The following THSD7A variants were observed in gnomAD, a reference collection of about 807,000 sequenced individuals.
THSD7A encodes thrombospondin type-1 domain-containing protein 7A.
In THSD7A, 96 loss-of-function variants were observed where a neutral mutation model predicts 231.3. The ratio of observed to expected loss-of-function variants is 0.41; its 90% CI spans 0.35 to 0.49. THSD7A has a LOEUF of 0.49. Among genes scored for constraint, THSD7A ranks in the 20% least tolerant of loss-of-function variants. THSD7A has a pLI of 0.05. For missense variants in THSD7A, 2,290 were observed against 2,070.2 expected (o/e 1.11, Z -2.06); for synonymous variants, 940 against 743.3 (o/e 1.26, Z -4.30).
intron 6 of THSD7A, among the ~76,000 whole-genome samples, chr7:11,530,854 T>C (rs1788678346): frequency 6.6e-6 from 1 of 151,984 alleles, no homozygotes; most frequent in South Asian, 2.1e-4. Context: ...CTACTAAAAA[T>C]ACAAAAATTA....
intron 27 of THSD7A, 132 bp from the exon 28 acceptor site, chr7:11,376,010 A>G (rs1782257896): frequency 1.4e-6 from 1 of 723,784 alleles, no homozygotes; most frequent in Non-Finnish European, 2.4e-6. Flanking sequence ...CCTAAAGTCT[A>G]TCTACCTTAG....
At position 11,411,702 on chromosome 7, in the gene THSD7A, C is replaced by G. The variant is rs759982527; in HGVS notation, c.3683-380G>C. ...GCCAAATAATCATAATTGTGACAGA[C>G]GGTACTTTAACTGTGTAGTTATATT... On this transcript the variant is annotated intron_variant, in intron 18 of 27. Coordinates refer to ENST00000423059, the MANE Select transcript of THSD7A (RefSeq NM_015204.3). The surrounding 1 kb of genome is among the most constrained non-coding windows in gnomAD (Gnocchi z 4.1). 3.9e-5 allele frequency among the ~76,000 whole-genome samples: 6 copies of G among 152,142 alleles called. No individual in the cohort carries two copies. The highest frequency in any genetic ancestry group is 8.8e-5 in the Non-Finnish European group (6 of 68,040).
At chr7:11,588,149 G>A (rs1779994591) in intron 4 of THSD7A, among the ~76,000 whole-genome samples, 1 of 152,052 alleles carries the variant, frequency 6.6e-6, no homozygotes, top group Non-Finnish European at 1.5e-5. Flanking sequence ...TCTTTCATAT[G>A]AACATGACTG....
chr7:11,655,381 T>C (rs1339915170), intron 1 of THSD7A, among the ~76,000 whole-genome samples: 1 of 151,838 alleles, frequency 6.6e-6, no homozygotes, highest in Non-Finnish European at 1.5e-5. Flanking sequence ...GCTGACTCTG[T>C]TGTTGGACAG....
At chr7:11,806,674 G>C (rs1784406391) in intron 1 of THSD7A, among the ~76,000 whole-genome samples, 1 of 152,108 alleles carries the variant, frequency 6.6e-6, no homozygotes, top group African/African-American at 2.4e-5. Flanking sequence ...TGATCCACTT[G>C]TTACTGGTAA....
intron 1 of THSD7A, among the ~76,000 whole-genome samples, chr7:11,648,598 C>CAATATG (rs980455110): frequency 2.0e-5 from 3 of 150,184 alleles, no homozygotes; most frequent in Non-Finnish European, 4.4e-5. Context: ...CATGCAATAT[C>CAATATG]TACTAGGACC....
Position 11,540,622 on chromosome 7 carries a change from G to C in THSD7A, c.1822+797C>G, listed in dbSNP as rs142027724. On this transcript the variant is annotated intron_variant, in intron 6 of 27. Transcript: ENST00000423059. The stretch of plus-strand genomic sequence containing the variant: ...ACCTTAGAGATGATCTTGTCCAGAG[G>C]TTTTAAAGTATGTCTGGGGGAGTCT... 7.7e-3 allele frequency among the ~76,000 whole-genome samples: 1,179 copies of C among 152,292 alleles called. 14 individuals are homozygous for C. The highest frequency in any genetic ancestry group is 0.027 in the African/African-American group (1,128 of 41,544).
At chr7:11,491,675 A>G (rs1786899954) in intron 6 of THSD7A, among the ~76,000 whole-genome samples, 1 of 152,146 alleles carries the variant, frequency 6.6e-6, no homozygotes, top group African/African-American at 2.4e-5. Context: ...AAATAGTCAC[A>G]TTCATCAGAA....
chr7:11,773,852 T>A (rs1306572478), intron 1 of THSD7A, among the ~76,000 whole-genome samples: 2 of 152,056 alleles, frequency 1.3e-5, no homozygotes, highest in Non-Finnish European at 2.9e-5. Context: ...AAAAAGCCTG[T>A]TATTAACAAT....
At chr7:11,619,793 T>C (rs144926502) in intron 2 of THSD7A, among the ~76,000 whole-genome samples, 285 of 152,304 alleles carry the variant, frequency 1.9e-3, no homozygotes, top group Admixed American at 4.1e-3. Flanking sequence ...CAAGTATTCC[T>C]GCTATCTAAA....
At chr7:11,697,327 C>T (rs905094522) in intron 1 of THSD7A, among the ~76,000 whole-genome samples, 1 of 151,386 alleles carries the variant, frequency 6.6e-6, no homozygotes, top group African/African-American at 2.4e-5. Flanking sequence ...TAAGGCTTAA[C>T]TCATGCCCAG....
intron 1 of THSD7A, among the ~76,000 whole-genome samples, chr7:11,741,076 T>C (rs993413868): frequency 1.3e-5 from 2 of 151,926 alleles, no homozygotes; most frequent in Non-Finnish European, 2.9e-5. Context: ...TAATCGATGA[T>C]ATAATTAATT....
chr7:11,771,953 T>C (rs1783243985), intron 1 of THSD7A, among the ~76,000 whole-genome samples: 1 of 152,178 alleles, frequency 6.6e-6, no homozygotes. Context: ...TGCTCTCCTT[T>C]CACCTTCCGC....
At chr7:11,529,116 A>G (rs1788596945) in intron 6 of THSD7A, among the ~76,000 whole-genome samples, 1 of 152,130 alleles carries the variant, frequency 6.6e-6, no homozygotes, top group Admixed American at 6.5e-5. Context: ...AATCTACTCT[A>G]AAATTAGTAA....
chr7:11,565,436 C>G (rs1272322798), intron 4 of THSD7A, among the ~76,000 whole-genome samples: 1 of 152,162 alleles, frequency 6.6e-6, no homozygotes, highest in African/African-American at 2.4e-5. Context: ...AAATGATGCT[C>G]TGTTGTCATG....
intron 5 of THSD7A, among the ~76,000 whole-genome samples, chr7:11,541,851 C>A (rs1368512936): frequency 6.6e-6 from 1 of 152,030 alleles, no homozygotes; most frequent in Non-Finnish European, 1.5e-5. Flanking sequence ...AAAATGAGAA[C>A]CTTTGGTTTT....
At chr7:11,773,484 CG>C in intron 1 of THSD7A, among the ~76,000 whole-genome samples, 1 of 151,882 alleles carries the variant, frequency 6.6e-6, no homozygotes, top group Non-Finnish European at 1.5e-5. Context: ...GAGCTGAAAT[CG>C]AGCCATTGCA....
intron 9 of THSD7A, 135 bp from the exon 10 acceptor site, chr7:11,462,278 A>T (rs1278812445): frequency 1.2e-6 from 1 of 840,094 alleles, no homozygotes; most frequent in Non-Finnish European, 1.7e-6. Context: ...ACCTGGTCTA[A>T]ACATTCACTA....
At chr7:11,733,911 A>G (rs968214222) in intron 1 of THSD7A, among the ~76,000 whole-genome samples, 2 of 151,866 alleles carry the variant, frequency 1.3e-5, no homozygotes, top group Middle Eastern at 3.4e-3. Flanking sequence ...CTACACTCCT[A>G]TGTCTGGCTA....
Sources: gnomAD v4.1 joint callset for allele counts (sites outside exome capture counted in the v4.1 genomes callset) on GRCh38, gnomAD v4.1.1 for gene constraint, Gnocchi (gnomAD v3.1) non-coding constraint, MANE v1.5 for transcripts, NCBI Gene and HGNC (gene_info 2026-07-23, HGNC 2026-07-21) for gene names.